DLGAP2: variants seen among roughly 807,000 people sequenced by gnomAD.
DLGAP2 encodes the protein disks large-associated protein 2.
DLGAP2 carries 26 observed loss-of-function variants against 100.3 expected under a neutral mutation model. The ratio of observed to expected loss-of-function variants is 0.26; its 90% CI spans 0.19 to 0.36. DLGAP2 has a LOEUF of 0.36. Among genes scored for constraint, DLGAP2 ranks in the 10% least tolerant of loss-of-function variants. DLGAP2 has a pLI of 1.00. For synonymous variants in DLGAP2, 886 were observed against 630.1 expected (o/e 1.41, Z -6.08); for missense variants, 1,858 against 1,453.2 (o/e 1.28, Z -4.53).
intron 2 of DLGAP2, among the ~76,000 whole-genome samples, chr8:1,233,738 G>C (rs1798585300): frequency 6.6e-6 from 1 of 152,160 alleles, no homozygotes; most frequent in South Asian, 2.1e-4. Flanking sequence ...AACACGCAGG[G>C]CTGTAAGTAT....
chr8:917,751 T>C (rs1798626514), intron 2 of DLGAP2, among the ~76,000 whole-genome samples: 1 of 152,058 alleles, frequency 6.6e-6, no homozygotes, highest in Non-Finnish European at 1.5e-5. Flanking sequence ...TGGCTGATTT[T>C]TGTATTTTTA....
At chr8:1,261,346 C>G (rs994957816) in intron 3 of DLGAP2, among the ~76,000 whole-genome samples, 1 of 139,918 alleles carries the variant, frequency 7.1e-6, no homozygotes, top group Non-Finnish European at 1.6e-5. Flanking sequence ...TAAAGCGAGA[C>G]AGACTGGGAG....
At position 1,312,464 on chromosome 8, in the gene DLGAP2, A is replaced by G. The variant is rs532407269; in HGVS notation, c.106+53581A>G. On this transcript the variant is annotated intron_variant, in intron 3 of 14. Coordinates refer to ENST00000637795, the MANE Select transcript of DLGAP2 (RefSeq NM_001346810.2). ...TAACAGATTGGTATCCAAAATGTAC[A>G]AAGAACTCTTAAGCAACAAGAAGAA... Among the ~76,000 whole-genome samples the G allele has an allele frequency of 2.7e-4, 41 of 152,366 alleles. 1 individual carries two copies. In the South Asian group the frequency reaches 6.8e-3, roughly 25 times the overall value.
At position 946,753 on chromosome 8, in the gene DLGAP2, G is replaced by C. The variant is rs146465036; in HGVS notation, c.73+38787G>C. 1.3e-3 allele frequency among the ~76,000 whole-genome samples: 199 copies of C among 152,316 alleles called. 1 individual carries two copies. The highest frequency in any genetic ancestry group is 4.6e-3 in the African/African-American group (192 of 41,572). Reference sequence around the variant, plus strand: ...GGACTGAGTGCCATAGTGGTCTTGAGAATTCTCTATGAACTCTGTGGACTG... The same window carrying C: ...GGACTGAGTGCCATAGTGGTCTTGACAATTCTCTATGAACTCTGTGGACTG... On this transcript the variant is annotated intron_variant, in intron 2 of 14. Transcript: ENST00000637795.
chr8:1,262,544 C>G (rs939218133), intron 3 of DLGAP2: 1 of 152,046 alleles, frequency 6.6e-6, no homozygotes, highest in East Asian at 1.9e-4. Flanking sequence ...TTTGCAGAGA[C>G]CTCTCCTGAT....
intron 2 of DLGAP2, among the ~76,000 whole-genome samples, chr8:1,161,705 C>G (rs1796893415): frequency 6.6e-6 from 1 of 152,218 alleles, no homozygotes; most frequent in Admixed American, 6.5e-5. Context: ...ATGTCTCTGT[C>G]TCAGGGCACG....
At chr8:1,320,899 G>T (rs1308195322) in intron 3 of DLGAP2, among the ~76,000 whole-genome samples, 1 of 152,190 alleles carries the variant, frequency 6.6e-6, no homozygotes. Context: ...GTATGCACAG[G>T]TGTGTAGGGG....
At chr8:1,256,441 C>A (rs74187400) in intron 2 of DLGAP2, among the ~76,000 whole-genome samples, 2,549 of 140,992 alleles carry the variant, frequency 0.018, 228 homozygotes, top group African/African-American at 0.062. Flanking sequence ...CGTCTGTCCT[C>A]TCCTGCCCAG....
At chr8:1,322,888 C>T (rs1277949171) in intron 3 of DLGAP2, among the ~76,000 whole-genome samples, 1 of 152,154 alleles carries the variant, frequency 6.6e-6, no homozygotes, top group Non-Finnish European at 1.5e-5. Context: ...TTATTATAAT[C>T]ATTGTGTACT....
At chr8:1,216,154 G>A (rs73670679) in intron 2 of DLGAP2, among the ~76,000 whole-genome samples, 26,404 of 152,078 alleles carry the variant, frequency 0.17, 2,496 homozygotes, top group East Asian at 0.27. Flanking sequence ...GTGTGTGTTC[G>A]CATGTTTGCA....
chr8:768,617 G>T (rs1182636653), intron 1 of DLGAP2, among the ~76,000 whole-genome samples: 1 of 151,422 alleles, frequency 6.6e-6, no homozygotes, highest in African/African-American at 2.4e-5. Context: ...GTAGAGATGG[G>T]GTTTCACCAT....
chr8:1,705,161 G>T lies in DLGAP2; in HGVS notation c.*3755G>T, dbSNP rs1177822386. 1 of 152,266 alleles carries T rather than the reference G, an allele frequency of 6.6e-6. No homozygotes were observed. Among genetic ancestry groups the T allele is most frequent in the Non-Finnish European group, 1.5e-5 (1 of 68,066 alleles). The allele number at this position is 152,266 out of a possible 1,614,324, so 9.4% of individuals were successfully genotyped here. ...GAGCTCTGTTAGGGACAGTTGTCTG[G>T]TTTGTGCCAAACCTTCGAGGGGCGA... On this transcript the variant is annotated 3_prime_UTR_variant, in exon 15 of 15. Coordinates refer to ENST00000637795, the MANE Select transcript of DLGAP2 (RefSeq NM_001346810.2).
At chr8:1,158,792 C>T (rs975880344) in intron 2 of DLGAP2, among the ~76,000 whole-genome samples, 27 of 152,374 alleles carry the variant, frequency 1.8e-4, no homozygotes, top group African/African-American at 6.3e-4. Flanking sequence ...ATTCTGTCCA[C>T]ATCGACAACT....
Position 914,654 on chromosome 8 carries a change from G to C in DLGAP2, c.73+6688G>C, listed in dbSNP as rs575930436. On this transcript the variant is annotated intron_variant, in intron 2 of 14. Transcript: ENST00000637795. Reference sequence around the variant, plus strand: ...AAGGATTGCACGGTTATAGATGGTGGCCCTATTAACCCCAGAGCAGGTTAA... The same window carrying C: ...AAGGATTGCACGGTTATAGATGGTGCCCCTATTAACCCCAGAGCAGGTTAA... 5.9e-5 allele frequency among the ~76,000 whole-genome samples: 9 copies of C among 152,316 alleles called. No individual in the cohort carries two copies. In the East Asian group the frequency reaches 1.7e-3, roughly 29 times the overall value.
intron 3 of DLGAP2, among the ~76,000 whole-genome samples, chr8:1,344,250 C>G (rs546784775): frequency 8.3e-6 from 1 of 120,210 alleles, no homozygotes; most frequent in South Asian, 2.9e-4. Flanking sequence ...GCACACTTCG[C>G]CCAGTCTCCC....
chr8:964,882 G>C (rs73176507), intron 2 of DLGAP2, among the ~76,000 whole-genome samples: 15 of 152,188 alleles, frequency 9.9e-5, no homozygotes, highest in Non-Finnish European at 1.8e-4. Context: ...GCCATGCTCC[G>C]GGGGGTACTG....
intron 8 of DLGAP2, among the ~76,000 whole-genome samples, chr8:1,641,885 T>TCACCTGTGTCACCCTCGACCCCGCCAGC (rs1563275255): frequency 1.7e-5 from 2 of 116,152 alleles, no homozygotes; most frequent in African/African-American, 7.4e-5. Flanking sequence ...AACCCGCCGG[T>TCACCTGTGTCACCCTCGACCCCGCCAGC]CCTCACCTGT....
At chr8:1,644,085 G>A (rs1208309133) in intron 8 of DLGAP2, among the ~76,000 whole-genome samples, 11 of 128,276 alleles carry the variant, frequency 8.6e-5, no homozygotes, top group African/African-American at 3.0e-4. Flanking sequence ...CGACCCCGCC[G>A]GTCCTCACCT....
intron 6 of DLGAP2, among the ~76,000 whole-genome samples, chr8:1,589,854 G>T (rs1320629693): frequency 2.6e-5 from 4 of 152,176 alleles, no homozygotes; most frequent in Admixed American, 2.0e-4. Context: ...GCTTTCTGAG[G>T]TCACTTCTGA....
Sources: allele counts gnomAD v4.1 joint callset (sites outside exome capture counted in the v4.1 genomes callset), GRCh38; gene constraint gnomAD v4.1.1; transcripts MANE v1.5; gene names NCBI Gene and HGNC (gene_info 2026-07-23, HGNC 2026-07-21).